Variants in TMEM116 observed in about 807,000 individuals in gnomAD.
The protein encoded by TMEM116 is transmembrane protein 116.
In TMEM116, 38 loss-of-function variants were observed where a neutral mutation model predicts 44.3. That is an observed-to-expected ratio of 0.86 (90% CI 0.66 to 1.12). TMEM116 has a LOEUF of 1.12. Among genes scored for constraint, TMEM116 ranks in the 50% most tolerant of loss-of-function variants. The pLI is 0.00. For missense variants in TMEM116, 354 were observed against 401.7 expected, an observed-to-expected ratio of 0.88 and a Z score of 1.01; for synonymous variants, 132 against 144.8, an observed-to-expected ratio of 0.91 and a Z score of 0.64.
chr12:111,968,361 C>G (rs1041960774), intron 4 of TMEM116, among the ~76,000 whole-genome samples: 3 of 152,160 alleles, frequency 2.0e-5, no homozygotes, highest in Middle Eastern at 6.8e-3. Flanking sequence ...TCATTCCATA[C>G]CCACCTAACA....
chr12:111,968,196 G>T (rs754229202), intron 4 of TMEM116, among the ~76,000 whole-genome samples: 3 of 152,120 alleles, frequency 2.0e-5, no homozygotes, highest in African/African-American at 7.2e-5. Flanking sequence ...GAAAAGATTA[G>T]ATAGAACAGT....
intron 1 of TMEM116, chr12:112,011,572 C>A (rs1458928053): frequency 6.6e-6 from 1 of 152,276 alleles, no homozygotes; most frequent in Non-Finnish European, 1.5e-5. Context: ...TCAATTCCAT[C>A]CATACTTCTT....
chr12:111,962,796 A>G (rs1344759063), intron 4 of TMEM116, among the ~76,000 whole-genome samples: 1 of 152,256 alleles, frequency 6.6e-6, no homozygotes, highest in East Asian at 1.9e-4. Context: ...AATGGCAACA[A>G]AAGCCAAAAT....
intron 4 of TMEM116, among the ~76,000 whole-genome samples, chr12:111,991,431 G>A (rs2076583639): frequency 6.8e-6 from 1 of 147,604 alleles, no homozygotes; most frequent in Non-Finnish European, 1.5e-5. Flanking sequence ...GGCTGAGGCA[G>A]GAGAATGGCA....
intron 4 of TMEM116, among the ~76,000 whole-genome samples, chr12:111,979,185 A>G (rs978159966): frequency 3.3e-5 from 5 of 152,192 alleles, no homozygotes; most frequent in Admixed American, 2.6e-4. Context: ...ACATGTACAC[A>G]TGTTCATAGA....
intron 3 of TMEM116, among the ~76,000 whole-genome samples, chr12:111,997,876 C>A (rs1253129770): frequency 1.3e-5 from 2 of 152,116 alleles, no homozygotes; most frequent in Non-Finnish European, 2.9e-5. Context: ...CCACATATGG[C>A]CTTTTCTCTG....
chr12:111,986,031 C>G (rs1331653350), intron 4 of TMEM116, among the ~76,000 whole-genome samples: 1 of 151,868 alleles, frequency 6.6e-6, no homozygotes, highest in Non-Finnish European at 1.5e-5. Context: ...CATATGGAAT[C>G]TCAAGGGACC....
chr12:112,008,542 T>A (rs750815289), intron 1 of TMEM116, among the ~76,000 whole-genome samples: 1 of 151,946 alleles, frequency 6.6e-6, no homozygotes, highest in Non-Finnish European at 1.5e-5. Context: ...ATTGGGCTAC[T>A]GTATATTATA....
rs576072829 is a variant in TMEM116, at chr12:111,947,054, C to A, written c.211-3685G>T. Among the ~76,000 whole-genome samples the A allele has an allele frequency of 8.6e-5, 13 of 152,024 alleles. No homozygotes were observed. In the South Asian group the frequency reaches 1.5e-3, roughly 17 times the overall value. ...ATTCTTGATAACTGGCCTAAAAAAACCAAAGATTTTACATTTAATCAAAAT... is the reference window on the plus strand; with the variant it reads ...ATTCTTGATAACTGGCCTAAAAAAAACAAAGATTTTACATTTAATCAAAAT... On this transcript the variant is annotated intron_variant, in intron 4 of 10. Transcript: ENST00000552374.
intron 4 of TMEM116, among the ~76,000 whole-genome samples, chr12:111,960,491 CAAAAAAAAAAAAA>C (rs545322547): frequency 1.0e-4 from 3 of 28,574 alleles, no homozygotes; most frequent in Non-Finnish European, 2.0e-4. Flanking sequence ...GACTCCGTCT[CAAAAAAAAAAAAA>C]AAAAAAAAAA....
chr12:111,976,412 G>A (rs1278142964), intron 4 of TMEM116, among the ~76,000 whole-genome samples: 4 of 151,872 alleles, frequency 2.6e-5, no homozygotes, highest in Non-Finnish European at 2.9e-5. Flanking sequence ...ACCGGAAGGC[G>A]GAGGTTGCAG....
chr12:111,989,160 A>C (rs2076399981), intron 4 of TMEM116, among the ~76,000 whole-genome samples: 1 of 152,204 alleles, frequency 6.6e-6, no homozygotes, highest in African/African-American at 2.4e-5. Flanking sequence ...AAAGAAGTCA[A>C]ACTTGGAGAA....
At chr12:111,954,089 G>T (rs1419443943) in intron 4 of TMEM116, among the ~76,000 whole-genome samples, 1 of 151,820 alleles carries the variant, frequency 6.6e-6, no homozygotes, top group African/African-American at 2.4e-5. Context: ...TCTATTTTTT[G>T]CTATTGATTA....
At chr12:111,986,210 T>G (rs2076221748) in intron 4 of TMEM116, among the ~76,000 whole-genome samples, 1 of 151,834 alleles carries the variant, frequency 6.6e-6, no homozygotes. Flanking sequence ...AATTTAAAAA[T>G]TAGCCAGCTG....
intron 1 of TMEM116, among the ~76,000 whole-genome samples, chr12:112,007,510 A>G (rs193276879): frequency 6.4e-4 from 97 of 152,364 alleles, no homozygotes; most frequent in African/African-American, 2.1e-3. Flanking sequence ...ATTGTTAAAT[A>G]GAGGTTAAGT....
At chr12:111,972,757 T>C (rs1475494939) in intron 4 of TMEM116, among the ~76,000 whole-genome samples, 1 of 152,110 alleles carries the variant, frequency 6.6e-6, no homozygotes, top group Non-Finnish European at 1.5e-5. Flanking sequence ...CGTGTGCCTA[T>C]AATCCCAGCT....
intron 4 of TMEM116, among the ~76,000 whole-genome samples, chr12:111,981,857 A>G (rs1274501226): frequency 6.6e-6 from 1 of 152,236 alleles, no homozygotes; most frequent in East Asian, 1.9e-4. Context: ...AGCCTTTAAA[A>G]GGAAGAAAAT....
chr12:111,944,765 C>G (rs960791834), intron 4 of TMEM116, among the ~76,000 whole-genome samples: 1 of 152,220 alleles, frequency 6.6e-6, no homozygotes, highest in South Asian at 2.1e-4. Context: ...GTGGGACAAT[C>G]CCTAAAGCTC....
At chr12:111,996,749 T>C (rs1266075575) in intron 3 of TMEM116, among the ~76,000 whole-genome samples, 2 of 152,208 alleles carry the variant, frequency 1.3e-5, no homozygotes, top group African/African-American at 4.8e-5. Context: ...ACAATAATGC[T>C]TATGTACAAG....
Sources: gnomAD v4.1 joint callset for allele counts (sites outside exome capture counted in the v4.1 genomes callset) on GRCh38, gnomAD v4.1.1 for gene constraint, MANE v1.5 for transcripts, NCBI Gene and HGNC (gene_info 2026-07-23, HGNC 2026-07-21) for gene names.